STAC: variants seen among roughly 807,000 people sequenced by gnomAD.
STAC encodes the protein SH3 and cysteine-rich domain-containing protein.
A neutral mutation model predicts 48.8 loss-of-function variants in STAC; 43 were observed. The observed-to-expected ratio is 0.88, with a 90% CI of 0.69 to 1.14. STAC has a LOEUF of 1.14. Ranked by LOEUF, STAC falls within the 50% of genes most tolerant of loss-of-function variation. STAC has a pLI of 0.00. For missense variants in STAC, 497 were observed against 504.0 expected, an observed-to-expected ratio of 0.99 and a Z score of 0.13; for synonymous variants, 193 against 179.5, an observed-to-expected ratio of 1.07 and a Z score of -0.60.
intron 1 of STAC, among the ~76,000 whole-genome samples, chr3:36,399,473 C>A (rs1699957184): frequency 6.6e-6 from 1 of 152,234 alleles, no homozygotes; most frequent in Non-Finnish European, 1.5e-5. Flanking sequence ...TAGCACGACA[C>A]TGAGTAACAT....
chr3:36,473,500 G>A (rs1003716357), intron 2 of STAC, among the ~76,000 whole-genome samples: 2 of 152,086 alleles, frequency 1.3e-5, no homozygotes, highest in African/African-American at 2.4e-5. Context: ...CAAAGAGACG[G>A]CCCCTTCATT....
At chr3:36,511,639 C>A (rs920617465) in intron 8 of STAC, among the ~76,000 whole-genome samples, 1 of 152,232 alleles carries the variant, frequency 6.6e-6, no homozygotes, top group East Asian at 1.9e-4. Context: ...GTAGACGCCA[C>A]TTGTCTGAAT....
At chr3:36,486,621 G>A (rs771763282) in intron 5 of STAC, among the ~76,000 whole-genome samples, 28 of 152,248 alleles carry the variant, frequency 1.8e-4, no homozygotes, top group Non-Finnish European at 3.4e-4. Flanking sequence ...CCAGTTTTCC[G>A]TTTAGCTACA....
intron 1 of STAC, among the ~76,000 whole-genome samples, chr3:36,431,140 A>G (rs1040596865): frequency 7.9e-5 from 12 of 152,252 alleles, no homozygotes; most frequent in African/African-American, 2.9e-4. Context: ...TGTATCAATC[A>G]GAATCTAGAG....
chr3:36,526,155 G>C, intron 8 of STAC, among the ~76,000 whole-genome samples: 1 of 152,086 alleles, frequency 6.6e-6, no homozygotes, highest in Non-Finnish European at 1.5e-5. Context: ...TATAGAAGGG[G>C]GAGCACATTT....
At chr3:36,533,224 A>G (rs73827557) in intron 10 of STAC, among the ~76,000 whole-genome samples, 3,733 of 152,206 alleles carry the variant, frequency 0.025, 168 homozygotes, top group African/African-American at 0.085. Flanking sequence ...TGGGCTCCCT[A>G]TTGGGTCATT....
chr3:36,517,841 C>A (rs1170462926), intron 8 of STAC, among the ~76,000 whole-genome samples: 1 of 151,780 alleles, frequency 6.6e-6, no homozygotes, highest in African/African-American at 2.4e-5. Flanking sequence ...ATGTAAATAA[C>A]CTCCCACACA....
At chr3:36,535,483 C>T (rs1478870140) in intron 10 of STAC, among the ~76,000 whole-genome samples, 2 of 152,068 alleles carry the variant, frequency 1.3e-5, no homozygotes, top group Non-Finnish European at 2.9e-5. Context: ...GCCTGATTGC[C>T]CTGGCCAGAA....
intron 2 of STAC, among the ~76,000 whole-genome samples, chr3:36,480,635 C>T (rs969934687): frequency 1.4e-4 from 21 of 152,152 alleles, no homozygotes; most frequent in Non-Finnish European, 2.2e-4. Flanking sequence ...TAGGCAGGAC[C>T]TTCTCCAACC....
intron 8 of STAC, among the ~76,000 whole-genome samples, chr3:36,518,852 A>G (rs1405775264): frequency 6.6e-6 from 1 of 152,230 alleles, no homozygotes; most frequent in Non-Finnish European, 1.5e-5. Flanking sequence ...ATAGCCAAGC[A>G]TCTGCTCTTT....
rs1696424549 is a variant in STAC at position 36,443,652 on chromosome 3, C to T, written c.388+12C>T. Reference sequence around the variant, plus strand: ...CCACATGATAGTGGGTAAGGCCTCCCACCCCTTTCTCCAGATCCCAGCACC... The same window carrying T: ...CCACATGATAGTGGGTAAGGCCTCCTACCCCTTTCTCCAGATCCCAGCACC... On this transcript the variant is annotated intron_variant, in intron 2 of 10. Coordinates refer to ENST00000273183, the MANE Select transcript of STAC (RefSeq NM_003149.3). The surrounding 1 kb of genome is among the most constrained non-coding windows in gnomAD (Gnocchi z 4.2). 3 of 1,606,298 alleles carry T rather than the reference C, an allele frequency of 1.9e-6. No homozygotes were observed. The highest frequency in any genetic ancestry group is 1.7e-5 in the Admixed American group (1 of 59,982).
intron 2 of STAC, among the ~76,000 whole-genome samples, chr3:36,468,727 GTA>G (rs1192041952): frequency 6.9e-6 from 1 of 145,124 alleles, no homozygotes. Flanking sequence ...ACATATATAT[GTA>G]TATATATATA....
intron 1 of STAC, among the ~76,000 whole-genome samples, chr3:36,407,143 G>C (rs569981050): frequency 1.1e-4 from 16 of 152,358 alleles, no homozygotes; most frequent in African/African-American, 3.8e-4. Context: ...GTGGGAGCCA[G>C]TAGGTCTATT....
chr3:36,391,601 A>G (rs2125616786), intron 1 of STAC, among the ~76,000 whole-genome samples: 1 of 152,066 alleles, frequency 6.6e-6, no homozygotes, highest in Non-Finnish European at 1.5e-5. Flanking sequence ...GTTTTTTCTC[A>G]TGTGCTCTTC....
chr3:36,530,596 T>A (rs1247883325), intron 10 of STAC, among the ~76,000 whole-genome samples: 1 of 133,790 alleles, frequency 7.5e-6, no homozygotes, highest in African/African-American at 2.7e-5. Context: ...TTTTTTTCTT[T>A]TTTTTTTTTT....
chr3:36,525,840 T>C (rs529026691), intron 8 of STAC, among the ~76,000 whole-genome samples: 1 of 152,342 alleles, frequency 6.6e-6, no homozygotes, highest in African/African-American at 2.4e-5. Flanking sequence ...ATGCTGCAGA[T>C]GTGACAAGCC....
intron 5 of STAC, among the ~76,000 whole-genome samples, chr3:36,489,485 T>C (rs1407712937): frequency 2.0e-5 from 3 of 152,244 alleles, no homozygotes; most frequent in Admixed American, 6.5e-5. Context: ...CTGGGTCTGG[T>C]TGGGCACCCA....
chr3:36,499,689 A>T (rs1442877704), intron 6 of STAC, among the ~76,000 whole-genome samples: 1 of 152,080 alleles, frequency 6.6e-6, no homozygotes, highest in Admixed American at 6.5e-5. Flanking sequence ...TTCAGACTAG[A>T]TTTTTTAAAT....
intron 2 of STAC, among the ~76,000 whole-genome samples, chr3:36,450,174 T>TA (rs1696637882): frequency 6.6e-6 from 1 of 152,218 alleles, no homozygotes; most frequent in South Asian, 2.1e-4. Context: ...TTTATGTGCC[T>TA]ATTCCCACTG....
Sources: gnomAD v4.1 joint callset for allele counts (sites outside exome capture counted in the v4.1 genomes callset) on GRCh38, gnomAD v4.1.1 for gene constraint, Gnocchi (gnomAD v3.1) non-coding constraint, MANE v1.5 for transcripts, NCBI Gene and HGNC (gene_info 2026-07-23, HGNC 2026-07-21) for gene names.